Variants in ENOX1 observed in about 807,000 individuals in gnomAD.
ENOX1 encodes candidate growth-related and time keeping constitutive hydroquinone (NADH) oxidase.
Under a neutral mutation model 82.5 loss-of-function variants are expected in ENOX1, and 42 were observed. The observed-to-expected ratio is 0.51, with a 90% CI of 0.40 to 0.66. The LOEUF is 0.66. ENOX1 is among the 30% of genes least tolerant of loss of function. The pLI is 0.00. For synonymous variants in ENOX1, 271 were observed against 282.2 expected, an observed-to-expected ratio of 0.96 and a Z score of 0.40; for missense variants, 608 against 811.6, an observed-to-expected ratio of 0.75 and a Z score of 3.05.
intron 3 of ENOX1, among the ~76,000 whole-genome samples, chr13:43,431,080 G>T (rs2153613613): frequency 6.6e-6 from 1 of 152,276 alleles, no homozygotes; most frequent in Non-Finnish European, 1.5e-5. Flanking sequence ...AGGAAATAGA[G>T]TGGGCTGATG....
chr13:43,711,318 C>A (rs559992205), intron 1 of ENOX1, among the ~76,000 whole-genome samples: 1 of 151,944 alleles, frequency 6.6e-6, no homozygotes, highest in African/African-American at 2.4e-5. Context: ...CCAGTCTTAC[C>A]GTTGTTCGAC....
chr13:43,644,886 G>C (rs1047960244), intron 2 of ENOX1, among the ~76,000 whole-genome samples: 44 of 152,184 alleles, frequency 2.9e-4, no homozygotes, highest in African/African-American at 9.9e-4. Flanking sequence ...CTTATACCAA[G>C]TTTAAGCCTA....
intron 3 of ENOX1, among the ~76,000 whole-genome samples, chr13:43,416,197 G>C (rs1259191453): frequency 7.7e-6 from 1 of 130,190 alleles, no homozygotes; most frequent in Non-Finnish European, 1.6e-5. Flanking sequence ...TCACATCCCA[G>C]ACGGGGCGGC....
rs555361468 is a variant in ENOX1 at position 43,217,111 on chromosome 13, A to T, written c.1801-2990T>A. ...TGGCTGTGGTGCCTTGTTCTTAACC[A>T]CCCCTGCCCACCTCCACCAGGGAGA... On this transcript the variant is annotated intron_variant, in intron 16 of 16. Transcript: ENST00000690772. Among the ~76,000 whole-genome samples the T allele has an allele frequency of 1.3e-4, 20 of 151,922 alleles. No homozygotes were observed. In the South Asian group the frequency reaches 4.2e-3, roughly 32 times the overall value.
chr13:43,622,828 A>T (rs2082798811), intron 2 of ENOX1, among the ~76,000 whole-genome samples: 1 of 151,888 alleles, frequency 6.6e-6, no homozygotes, highest in Admixed American at 6.6e-5. Context: ...TCCTAAGATT[A>T]TATGCCCTTT....
intron 3 of ENOX1, among the ~76,000 whole-genome samples, chr13:43,414,475 A>G: frequency 6.6e-6 from 1 of 152,022 alleles, no homozygotes. Context: ...CAATTATCTT[A>G]GGCTATGGGT....
chr13:43,704,202 A>T (rs2087094481), intron 1 of ENOX1, among the ~76,000 whole-genome samples: 1 of 152,228 alleles, frequency 6.6e-6, no homozygotes, highest in Non-Finnish European at 1.5e-5. Flanking sequence ...AAGTAAAACA[A>T]AAAGAAAACA....
intron 14 of ENOX1, among the ~76,000 whole-genome samples, chr13:43,244,219 C>T (rs2042973607): frequency 6.6e-6 from 1 of 151,350 alleles, no homozygotes; most frequent in African/African-American, 2.4e-5. Context: ...TGCCTCTTCC[C>T]CATGGTTGCT....
chr13:43,735,029 G>T (rs2089545988), intron 1 of ENOX1, among the ~76,000 whole-genome samples: 1 of 152,126 alleles, frequency 6.6e-6, no homozygotes, highest in Admixed American at 6.6e-5. Context: ...AAGGCAGGAT[G>T]ATAATATTTA....
At chr13:43,597,107 G>C (rs2081507266) in intron 2 of ENOX1, among the ~76,000 whole-genome samples, 3 of 152,082 alleles carry the variant, frequency 2.0e-5, no homozygotes, top group Admixed American at 2.0e-4. Flanking sequence ...ACAGGAGACA[G>C]AGAGAGAGAG....
intron 2 of ENOX1, among the ~76,000 whole-genome samples, chr13:43,522,836 C>T (rs190831719): frequency 7.2e-5 from 11 of 152,238 alleles, no homozygotes; most frequent in African/African-American, 2.6e-4. Context: ...AGGAGAGAAT[C>T]TTGGAATAAA....
At chr13:43,321,694 G>C (rs991850673) in intron 11 of ENOX1, among the ~76,000 whole-genome samples, 1 of 152,160 alleles carries the variant, frequency 6.6e-6, no homozygotes, top group African/African-American at 2.4e-5. Flanking sequence ...GTTCTTCCTA[G>C]GTCCTTCGGA....
intron 14 of ENOX1, among the ~76,000 whole-genome samples, chr13:43,248,147 A>T (rs2043246378): frequency 1.3e-5 from 2 of 151,330 alleles, no homozygotes; most frequent in Non-Finnish European, 2.9e-5. Flanking sequence ...GGCCTCCCAA[A>T]GTGCTGGGAT....
intron 14 of ENOX1, among the ~76,000 whole-genome samples, chr13:43,256,955 C>T (rs150540272): frequency 1.2e-3 from 183 of 152,098 alleles, no homozygotes; most frequent in Non-Finnish European, 1.8e-3. Context: ...TATATATACA[C>T]ACAATGGAAT....
intron 3 of ENOX1, among the ~76,000 whole-genome samples, chr13:43,476,301 T>G (rs1389853280): frequency 6.6e-6 from 1 of 152,092 alleles, no homozygotes; most frequent in Admixed American, 6.6e-5. Context: ...ATAGCTCTCA[T>G]TTAGTGAAGG....
chr13:43,324,083 C>G (rs1438365995), intron 10 of ENOX1, among the ~76,000 whole-genome samples: 1 of 152,164 alleles, frequency 6.6e-6, no homozygotes, highest in Non-Finnish European at 1.5e-5. Flanking sequence ...CCAGAATAAA[C>G]AGGTGCCAAT....
At chr13:43,486,328 G>A (rs1336379720) in intron 2 of ENOX1, among the ~76,000 whole-genome samples, 2 of 152,128 alleles carry the variant, frequency 1.3e-5, no homozygotes, top group South Asian at 4.2e-4. Flanking sequence ...AGGCTGCAGT[G>A]AGCCAAGATT....
intron 2 of ENOX1, among the ~76,000 whole-genome samples, chr13:43,551,950 G>A (rs1409185772): frequency 6.6e-6 from 1 of 152,086 alleles, no homozygotes; most frequent in African/African-American, 2.4e-5. Context: ...TTTATGAGGA[G>A]CTGGGTTTCG....
intron 11 of ENOX1, among the ~76,000 whole-genome samples, chr13:43,303,916 C>G (rs1304387282): frequency 6.6e-6 from 1 of 152,240 alleles, no homozygotes; most frequent in Non-Finnish European, 1.5e-5. Context: ...AGAGCCACTG[C>G]TCAGACCGCT....
Sources: gnomAD v4.1 joint callset for allele counts (sites outside exome capture counted in the v4.1 genomes callset) on GRCh38, gnomAD v4.1.1 for gene constraint, MANE v1.5 for transcripts, NCBI Gene and HGNC (gene_info 2026-07-23, HGNC 2026-07-21) for gene names.